CDCA7: variants seen among roughly 807,000 people sequenced by gnomAD.
CDCA7 encodes the protein cell division cycle-associated protein 7.
Under a neutral mutation model 54.0 loss-of-function variants are expected in CDCA7, and 28 were observed. The ratio of observed to expected loss-of-function variants is 0.52; its 90% CI spans 0.38 to 0.71. The LOEUF (loss-of-function observed/expected upper bound fraction) is 0.71. CDCA7 is among the 30% of genes least tolerant of loss of function. CDCA7 has a pLI of 0.00. For missense variants in CDCA7, 484 were observed against 586.0 expected, an observed-to-expected ratio of 0.83 and a Z score of 1.80; for synonymous variants, 180 against 208.2, an observed-to-expected ratio of 0.86 and a Z score of 1.16.
At position 173,367,695 on chromosome 2, in the gene CDCA7, T is replaced by C; in HGVS notation, c.*31T>C. 6.2e-7 allele frequency: 1 copy of C among 1,612,056 alleles called. No individual in the cohort carries two copies. Among genetic ancestry groups the C allele is most frequent in the South Asian group, 1.1e-5 (1 of 90,874 alleles). ...GGAAAATTTGCTGCCTGCCTTCTAC[T>C]TCTCAAATCTTTCTTGTAAAAGTTT... On this transcript the variant is annotated 3_prime_UTR_variant, in exon 10 of 10. Coordinates refer to ENST00000306721, the MANE Select transcript of CDCA7 (RefSeq NM_031942.5).
intron 3 of CDCA7, among the ~76,000 whole-genome samples, chr2:173,361,150 C>T (rs1043436468): frequency 6.6e-6 from 1 of 152,118 alleles, no homozygotes; most frequent in African/African-American, 2.4e-5. Context: ...GCAGAATATT[C>T]TGTTGTGTGA....
At chr2:173,362,626 C>T (rs1376561213) in intron 3 of CDCA7, among the ~76,000 whole-genome samples, 1 of 149,160 alleles carries the variant, frequency 6.7e-6, no homozygotes, top group African/African-American at 2.5e-5. Flanking sequence ...CCAGCCCTGG[C>T]ATACAGTGGC....
chr2:173,360,066 C>G (rs1429695947), intron 3 of CDCA7, among the ~76,000 whole-genome samples: 1 of 152,216 alleles, frequency 6.6e-6, no homozygotes, highest in Non-Finnish European at 1.5e-5. Context: ...TCTGAGCATA[C>G]TGCTTAATTC....
chr2:173,367,511 G>A (rs1273735426), intron 9 of CDCA7, 123 bp from the exon 10 acceptor site: 29 of 1,328,868 alleles, frequency 2.2e-5, no homozygotes, highest in Middle Eastern at 2.1e-4. Context: ...TTGAAGATGC[G>A]CACACTTGAC....
chr2:173,362,632 G>T (rs1227340397), intron 3 of CDCA7, among the ~76,000 whole-genome samples: 1 of 148,282 alleles, frequency 6.7e-6, no homozygotes, highest in African/African-American at 2.5e-5. Flanking sequence ...CTGGCATACA[G>T]TGGCACGAAC....
intron 1 of CDCA7, 168 bp from the exon 2 acceptor site, chr2:173,358,544 A>T (rs575102573): frequency 1.5e-6 from 1 of 664,240 alleles, no homozygotes; most frequent in Non-Finnish European, 2.4e-6. Context: ...AAAAAAAAGA[A>T]AGAAAAAATT....
chr2:173,366,497 G>A lies in CDCA7; in HGVS notation c.1185+65G>A. The A allele has an allele frequency of 6.3e-7, 1 of 1,582,966 alleles. No individual in the cohort carries two copies. Among genetic ancestry groups the A allele is most frequent in the Non-Finnish European group, 8.6e-7 (1 of 1,163,594 alleles). ...TCAGCCACAAACTGTGATGAGGCCA[G>A]AAAAAGGCATTGGTGAAGGGGTGGA... On this transcript the variant is annotated intron_variant, in intron 8 of 9. Transcript: ENST00000306721. The surrounding 1 kb of genome is among the most constrained non-coding windows in gnomAD (Gnocchi z 4.5).
At chr2:173,365,394 G>C in intron 6 of CDCA7, 58 bp from the exon 7 acceptor site, 8 of 1,539,030 alleles carry the variant, frequency 5.2e-6, no homozygotes, top group Non-Finnish European at 7.0e-6. Flanking sequence ...TTTCAGTTTT[G>C]AATCTCTTTC....
chr2:173,357,167 C>T (rs998744320), intron 1 of CDCA7, among the ~76,000 whole-genome samples: 2 of 152,152 alleles, frequency 1.3e-5, no homozygotes, highest in African/African-American at 2.4e-5. Flanking sequence ...TAGGAAATCT[C>T]GTTAAATATT....
rs934003930 is a variant in CDCA7 at position 173,358,566 on chromosome 2, T to A, written c.22-146T>A. Reference sequence around the variant, plus strand: ...AGAAAGAAAAAATTTTTTGTAGCAGTTAACAAACTTCCTTTTCTATGTAGG... The same window carrying A: ...AGAAAGAAAAAATTTTTTGTAGCAGATAACAAACTTCCTTTTCTATGTAGG... On this transcript the variant is annotated intron_variant, in intron 1 of 9. Coordinates refer to ENST00000306721, the MANE Select transcript of CDCA7 (RefSeq NM_031942.5). The A allele has an allele frequency of 7.1e-6, 6 of 845,326 alleles. No individual in the cohort carries two copies. In the African/African-American group the frequency reaches 1.1e-4, roughly 15 times the overall value. The allele number at this position is 845,326 out of a possible 1,614,324, so 52.4% of individuals were successfully genotyped here.
chr2:173,363,981 T>C (rs1215934397), intron 5 of CDCA7, 86 bp downstream of exon 5: 8 of 1,276,742 alleles, frequency 6.3e-6, no homozygotes, highest in Non-Finnish European at 9.0e-6. Flanking sequence ...CTAATTTCTT[T>C]ATTTGTGTGG....
intron 1 of CDCA7, among the ~76,000 whole-genome samples, chr2:173,357,980 C>A (rs1574214365): frequency 6.6e-6 from 1 of 152,148 alleles, no homozygotes; most frequent in East Asian, 1.9e-4. Context: ...GCAGGCAGAT[C>A]ACGAGGTCAG....
intron 8 of CDCA7, 148 bp from the exon 9 acceptor site, chr2:173,367,002 C>T (rs1027012310): frequency 3.6e-5 from 41 of 1,138,440 alleles, no homozygotes; most frequent in Non-Finnish European, 4.3e-5. Flanking sequence ...TGGAAGGAAG[C>T]ATTAGGCATT....
Position 173,359,439 on chromosome 2 carries a change from C to T in CDCA7, c.332C>T (p.Ser111Phe). The T allele has an allele frequency of 3.7e-6, 6 of 1,614,150 alleles. No homozygotes were observed. Among genetic ancestry groups the T allele is most frequent in the Non-Finnish European group, 5.1e-6 (6 of 1,180,040 alleles). Residue 111 changes from serine to phenylalanine, a missense_variant, in exon 3 of 10, where the codon TCT becomes TTT. Physicochemically the swap from Ser to Phe is radical, Grantham distance 155. Transcript: ENST00000306721. ...CTGGCCGGTATTTTTCATGCCGACTCTGACGATGAATCATTTTGCGGTTTC... is the reference window on the plus strand; with the variant it reads ...CTGGCCGGTATTTTTCATGCCGACTTTGACGATGAATCATTTTGCGGTTTC... ...NELAGIFHAD[S>F]DDESFCGFSE...
chr2:173,361,406 C>T (rs116757622), intron 3 of CDCA7, among the ~76,000 whole-genome samples: 62 of 151,820 alleles, frequency 4.1e-4, no homozygotes, highest in African/African-American at 1.4e-3. Context: ...GTGAGGGTTA[C>T]AGTTTCTCCA....
chr2:173,363,984 T>C (rs1686671212), intron 5 of CDCA7, 89 bp downstream of exon 5: 6 of 1,239,868 alleles, frequency 4.8e-6, no homozygotes, highest in Non-Finnish European at 7.0e-6. Flanking sequence ...ATTTCTTTAT[T>C]TGTGTGGCCT....
In CDCA7 at chr2:173,363,252, T is replaced by G. The variant is rs779766122; in HGVS notation, c.411T>G (p.Cys137Trp). The G allele has an allele frequency of 8.7e-6, 14 of 1,614,054 alleles. No homozygotes were observed. Among genetic ancestry groups the G allele is most frequent in the Non-Finnish European group, 1.2e-5 (14 of 1,180,028 alleles). ...GGCTGCAGTCAGTTCGGGAAGGCTG[T>G]AGGACCCGCAGCCAGTGCAGGCACT... ...GMRLQSVREG[C>W]RTRSQCRHSG... The change falls in exon 4 of 10, where the codon TGT becomes TGG. Residue 137 changes from cysteine (C) to tryptophan (W), a missense_variant. Cys to Trp is a radical substitution (Grantham distance 215, BLOSUM62 -2). Around this residue, in one of 3 missense-constraint regions of CDCA7, gnomAD observed 398 missense variants for 447.4 expected, o/e 0.89. Transcript: ENST00000306721.
intron 3 of CDCA7, among the ~76,000 whole-genome samples, chr2:173,361,285 A>G (rs554483013): frequency 6.6e-6 from 1 of 152,274 alleles, no homozygotes; most frequent in South Asian, 2.1e-4. Flanking sequence ...GTTTTTGTGT[A>G]TACTCTTAGG....
intron 2 of CDCA7, 96 bp downstream of exon 2, chr2:173,358,933 C>T: frequency 1.4e-6 from 2 of 1,463,912 alleles, no homozygotes; most frequent in Non-Finnish European, 1.9e-6. Context: ...TTTTTGCCTA[C>T]ATTTCTATAC....
Sources: gnomAD v4.1 joint callset for allele counts (sites outside exome capture counted in the v4.1 genomes callset) on GRCh38, gnomAD v4.1.1 for gene constraint, gnomAD v4.1.1 regional missense constraint, Gnocchi (gnomAD v3.1) non-coding constraint, MANE v1.5 for transcripts, NCBI Gene and HGNC (gene_info 2026-07-23, HGNC 2026-07-21) for gene names.